The following ACE variants were observed in gnomAD, a reference collection of about 807,000 sequenced individuals.
ACE encodes the protein angiotensin-converting enzyme.
A neutral mutation model predicts 162.3 loss-of-function variants in ACE; 122 were observed. The observed-to-expected ratio is 0.75, with a 90% CI of 0.65 to 0.87. The LOEUF (loss-of-function observed/expected upper bound fraction) is 0.87, where lower values mean the gene tolerates loss of function less well. Among genes scored for constraint, ACE ranks in the 40% least tolerant of loss-of-function variants. ACE has a pLI of 0.00. For synonymous variants in ACE, 796 were observed against 720.6 expected (o/e 1.10, Z -1.68); for missense variants, 1,799 against 1,735.1 (o/e 1.04, Z -0.65).
In ACE at chr17:63,482,796, G is replaced by A. The variant is rs187328381; in HGVS notation, c.1342+107G>A. 1.2e-5 allele frequency: 16 copies of A among 1,294,292 alleles called. No individual in the cohort carries two copies. The East Asian group carries it at 1.9e-4, about 15-fold the overall frequency. The allele number at this position is 1,294,292 out of a possible 1,614,324, so 80.2% of individuals were successfully genotyped here. ...AGCTCTGCCCTTCTTTCTGCCTCCC[G>A]GCCCCAGGTCAGGCAGGGTTCGGGA... On this transcript the variant is annotated intron_variant, in intron 8 of 24. Coordinates refer to ENST00000290866, the MANE Select transcript of ACE (RefSeq NM_000789.4).
chr17:63,483,568 C>CGCGGG lies in ACE; in HGVS notation c.1586+10_1586+11insGCGGG. On this transcript the variant is annotated intron_variant, in intron 10 of 24. Transcript: ENST00000290866. Reference sequence around the variant, plus strand: ...TGACACCATACATCAGGTATTAGCGCCCCCACCCCACCCACCCCCAGTACT... The same window carrying CGCGGG: ...TGACACCATACATCAGGTATTAGCGCGCGGGCCCCACCCCACCCACCCCCAGTACT... 6.3e-7 allele frequency: 1 copy of CGCGGG among 1,585,844 alleles called. No individual in the cohort carries two copies. The highest frequency in any genetic ancestry group is 8.6e-7 in the Non-Finnish European group (1 of 1,159,950).
At chr17:63,486,517 A>G in intron 13 of ACE, 40 bp from the exon 14 acceptor site, 1 of 1,611,682 alleles carries the variant, frequency 6.2e-7, no homozygotes, top group South Asian at 1.1e-5. Context: ...GCTGCTCTGG[A>G]GCTCCTGGGC....
chr17:63,497,610 T>G lies in ACE; in HGVS notation c.*244T>G, dbSNP rs1344244746. 1.4e-6 allele frequency: 1 copy of G among 692,184 alleles called. No homozygotes were observed. The highest frequency in any genetic ancestry group is 2.0e-5 in the Admixed American group (1 of 49,452). 42.9% of individuals were successfully genotyped at this position (692,184 alleles called of 1,614,324 possible). A position where few individuals can be genotyped will look rare whatever the true frequency, so the allele number is the denominator to read the frequency against. The stretch of plus-strand genomic sequence containing the variant: ...TCTCTGTGAATACAATTAAAGGTCC[T>G]GCCCTCCCCATCTGAGTCTGTGTCC... On this transcript the variant is annotated 3_prime_UTR_variant, in exon 25 of 25. Coordinates refer to ENST00000290866, the MANE Select transcript of ACE (RefSeq NM_000789.4).
At position 63,482,355 on chromosome 17, in the gene ACE, AG is replaced by A. The variant is rs2049723849; in HGVS notation, c.1119-108del. 11 of 946,474 alleles carry A rather than the reference AG, an allele frequency of 1.2e-5. No individual in the cohort carries two copies. The East Asian group carries it at 2.6e-4, about 22-fold the overall frequency. The allele number at this position is 946,474 out of a possible 1,614,324, so 58.6% of individuals were successfully genotyped here. On this transcript the variant is annotated intron_variant, in intron 7 of 24. Coordinates refer to ENST00000290866, the MANE Select transcript of ACE (RefSeq NM_000789.4). ...TGTTTCTACTGCGGCTTCATGCCCC[AG>A]GGCAGCTCCCTCCTCATTCCTGTCT...
Position 63,491,458 on chromosome 17 carries a change from C to T in ACE, c.2912+77C>T. 1 of 1,582,920 alleles carries T rather than the reference C, an allele frequency of 6.3e-7. No homozygotes were observed. The highest frequency in any genetic ancestry group is 8.7e-7 in the Non-Finnish European group (1 of 1,155,968). ...AATGAACCAAGCAAAGGGTCCACTA[C>T]TGTCCCCCAGCTGGAGCCAGCAGGG... On this transcript the variant is annotated intron_variant, in intron 19 of 24. Coordinates refer to ENST00000290866, the MANE Select transcript of ACE (RefSeq NM_000789.4). The surrounding 1 kb of genome is among the most constrained non-coding windows in gnomAD (Gnocchi z 4.4).
chr17:63,480,250 C>G, intron 4 of ACE, 87 bp from the exon 5 acceptor site: 1 of 1,441,338 alleles, frequency 6.9e-7, no homozygotes. Flanking sequence ...CCACGGGCCT[C>G]GAGCCAGTGG....
intron 19 of ACE, among the ~76,000 whole-genome samples, chr17:63,492,727 A>C (rs1282561685): frequency 1.3e-5 from 2 of 152,228 alleles, no homozygotes; most frequent in Non-Finnish European, 1.5e-5. Flanking sequence ...TGGTTTGCTA[A>C]ACAACAAGGA....
chr17:63,482,392 A>C (rs555533280), intron 7 of ACE, 74 bp from the exon 8 acceptor site: 5 of 1,386,422 alleles, frequency 3.6e-6, no homozygotes, highest in African/African-American at 1.4e-5. Context: ...TTCAGGTGCC[A>C]ATCTGCCCTG....
In ACE at chr17:63,477,241, C is replaced by G. The variant is rs752407759; in HGVS notation, c.147C>G (p.Phe49Leu). The change falls in exon 1 of 25, where the codon TTC becomes TTG. Residue 49 changes from phenylalanine to leucine, a missense_variant. By Grantham distance (22) the Phe-to-Leu change is conservative (BLOSUM62 0). Coordinates refer to ENST00000290866, the MANE Select transcript of ACE (RefSeq NM_000789.4). ...FSADEAGAQL[F>L]AQSYNSSAEQ... is the part of the protein sequence containing the mutation. The stretch of plus-strand genomic sequence containing the variant: ...CTGACGAGGCCGGGGCGCAGCTCTT[C>G]GCGCAGAGCTACAACTCCAGCGCCG... 12 of 1,503,816 alleles carry G rather than the reference C, an allele frequency of 8.0e-6. No homozygotes were observed. Among genetic ancestry groups the G allele is most frequent in the South Asian group, 6.2e-5 (5 of 80,974 alleles). The allele number at this position is 1,503,816 out of a possible 1,614,324, so 93.2% of individuals were successfully genotyped here.
At position 63,489,388 on chromosome 17, in the gene ACE, C is replaced by T. The variant is rs114811099; in HGVS notation, c.2641+256C>T. Among the ~76,000 whole-genome samples the T allele has an allele frequency of 2.4e-3, 360 of 152,276 alleles. 1 individual carries two copies. The highest frequency in any genetic ancestry group is 8.0e-3 in the African/African-American group (334 of 41,544). ...GGGGGAAGAAGTTAATAATCTTGTC[C>T]AGGAGACCACGGCACCCATCACAAC... On this transcript the variant is annotated intron_variant, in intron 17 of 24. Coordinates refer to ENST00000290866, the MANE Select transcript of ACE (RefSeq NM_000789.4).
At chr17:63,482,170 G>T (rs781207258) in intron 7 of ACE, among the ~76,000 whole-genome samples, 2 of 151,984 alleles carry the variant, frequency 1.3e-5, no homozygotes, top group Non-Finnish European at 2.9e-5. Context: ...GGGTGATGGC[G>T]GGCGCCTGTA....
chr17:63,481,203 C>T lies in ACE; in HGVS notation c.945+15C>T. 6.4e-7 allele frequency: 1 copy of T among 1,573,960 alleles called. No homozygotes were observed. On this transcript the variant is annotated intron_variant, in intron 6 of 24. Coordinates refer to ENST00000290866, the MANE Select transcript of ACE (RefSeq NM_000789.4). Reference sequence around the variant, plus strand: ...TGCTGCAGCAGGTAAGCTCTGGGCTCAAGCCTGGGGTGGTGGGGGTCGGGG... The same window carrying T: ...TGCTGCAGCAGGTAAGCTCTGGGCTTAAGCCTGGGGTGGTGGGGGTCGGGG...
In ACE at chr17:63,490,975, G is replaced by C. The variant is rs1468320560; in HGVS notation, c.2663G>C (p.Trp888Ser). The C allele has an allele frequency of 6.2e-7, 1 of 1,614,212 alleles. No homozygotes were observed. The highest frequency in any genetic ancestry group is 1.1e-5 in the South Asian group (1 of 91,076). Residue 888 changes from tryptophan (W) to serine (S), a missense_variant, in exon 18 of 25, where the codon TGG (tryptophan) becomes TCG (serine). Transcript: ENST00000290866. ...CCAGGGAACATGTGGGCGCAGACCT[G>C]GTCCAACATCTATGACTTGGTGGTG... The part of the protein sequence containing the change: ...HLLGNMWAQT[W>S]SNIYDLVVPF...
In ACE at chr17:63,481,653, G is replaced by T. The variant is rs2049711906; in HGVS notation, c.1033G>T (p.Gly345Trp). 6.2e-7 allele frequency: 1 copy of T among 1,614,132 alleles called. No individual in the cohort carries two copies. The highest frequency in any genetic ancestry group is 8.5e-7 in the Non-Finnish European group (1 of 1,180,030). ...LSPMPPEFWE[G>W]SMLEKPADGR... ...CCCCATGCCTCCCGAGTTCTGGGAAGGGTCGATGCTGGAGAAGCCGGCCGA... is the reference window on the plus strand; with the variant it reads ...CCCCATGCCTCCCGAGTTCTGGGAATGGTCGATGCTGGAGAAGCCGGCCGA... The change falls in exon 7 of 25, where the codon GGG becomes TGG. Residue 345 changes from glycine to tryptophan, a missense_variant. Transcript: ENST00000290866.
intron 22 of ACE, among the ~76,000 whole-genome samples, chr17:63,495,398 T>C (rs1436502168): frequency 6.6e-6 from 1 of 152,200 alleles, no homozygotes; most frequent in Non-Finnish European, 1.5e-5. Context: ...CCTCTGGCCC[T>C]GGCCTCCCGT....
chr17:63,478,867 G>A, intron 2 of ACE, 140 bp from the exon 3 acceptor site: 2 of 722,394 alleles, frequency 2.8e-6, no homozygotes, highest in South Asian at 1.5e-5. Context: ...GTGACACTTA[G>A]TGATCAGAAG....
chr17:63,494,580 G>C, intron 22 of ACE, 110 bp downstream of exon 22: 1 of 1,024,820 alleles, frequency 9.8e-7, no homozygotes, highest in South Asian at 1.3e-5. Flanking sequence ...GCAGACCCGG[G>C]GGAGCCGGCC....
chr17:63,492,502 CT>C, intron 19 of ACE, among the ~76,000 whole-genome samples: 1 of 152,324 alleles, frequency 6.6e-6, no homozygotes, highest in Non-Finnish European at 1.5e-5. Context: ...AGCCACAGGG[CT>C]GAGAGGAGAC....
chr17:63,489,064 G>C lies in ACE; in HGVS notation c.2573G>C (p.Arg858Pro). The C allele has an allele frequency of 6.2e-7, 1 of 1,613,952 alleles. No homozygotes were observed. Among genetic ancestry groups the C allele is most frequent in the Non-Finnish European group, 8.5e-7 (1 of 1,180,030 alleles). Residue 858 changes from arginine (R) to proline (P), a missense_variant, in exon 17 of 25, where the codon CGG becomes CCG. Coordinates refer to ENST00000290866, the MANE Select transcript of ACE (RefSeq NM_000789.4). ...LYLNLHAYVR[R>P]ALHRHYGAQH... ...CTCAACCTGCATGCCTACGTGCGCCGGGCCCTGCACCGTCACTACGGGGCC... is the reference window on the plus strand; with the variant it reads ...CTCAACCTGCATGCCTACGTGCGCCCGGCCCTGCACCGTCACTACGGGGCC...
Sources: gnomAD v4.1 joint callset for allele counts (sites outside exome capture counted in the v4.1 genomes callset) on GRCh38, gnomAD v4.1.1 for gene constraint, Gnocchi (gnomAD v3.1) non-coding constraint, MANE v1.5 for transcripts, NCBI Gene and HGNC (gene_info 2026-07-23, HGNC 2026-07-21) for gene names.